RRP1: variants seen among roughly 807,000 people sequenced by gnomAD.
RRP1 encodes ribosomal RNA processing protein 1 homolog A.
A neutral mutation model predicts 54.6 loss-of-function variants in RRP1; 37 were observed. That is an observed-to-expected ratio of 0.68 (90% confidence interval 0.52 to 0.89). The LOEUF (loss-of-function observed/expected upper bound fraction) is 0.89, where lower values mean the gene tolerates loss of function less well. RRP1 is among the 40% of genes least tolerant of loss of function. The probability of loss-of-function intolerance (pLI) is 0.00; values close to 1 mark genes in which losing one functional copy is unlikely to be tolerated. For missense variants in RRP1, 639 were observed against 612.5 expected (o/e 1.04, Z -0.46); for synonymous variants, 262 against 244.3 (o/e 1.07, Z -0.67).
At chr21:43,802,491 C>T (rs765363390) in intron 12 of RRP1, 104 bp downstream of exon 12, 6 of 881,916 alleles carry the variant, frequency 6.8e-6, no homozygotes, top group East Asian at 2.5e-5. Flanking sequence ...GCATGAGTGC[C>T]GAGTCCCCCA....
chr21:43,795,381 A>C (rs1569014455), intron 5 of RRP1, 131 bp downstream of exon 5: 1 of 840,692 alleles, frequency 1.2e-6, no homozygotes, highest in South Asian at 1.5e-5. Context: ...GTGCTTAGAG[A>C]GAAGATAGTT....
chr21:43,790,506 AG>A (rs1298491192), intron 1 of RRP1: 1 of 156,974 alleles, frequency 6.4e-6, no homozygotes, highest in East Asian at 1.9e-4. Flanking sequence ...ACTCAGCCTG[AG>A]AACCACTGCT....
intron 6 of RRP1, 25 bp downstream of exon 6, chr21:43,797,576 G>A (rs929888343): frequency 1.2e-5 from 19 of 1,613,814 alleles, no homozygotes; most frequent in Non-Finnish European, 1.6e-5. Flanking sequence ...CGACGGGGCG[G>A]TGGAGCTGGG....
intron 5 of RRP1, 112 bp from the exon 6 acceptor site, chr21:43,797,310 G>A (rs2085029226): frequency 6.1e-6 from 9 of 1,479,812 alleles, no homozygotes; most frequent in Non-Finnish European, 8.0e-6. Context: ...AGACAGTGGC[G>A]CCTGCCCGCA....
intron 1 of RRP1, 139 bp downstream of exon 1, chr21:43,789,901 G>A: frequency 9.3e-7 from 1 of 1,079,898 alleles, no homozygotes; most frequent in Non-Finnish European, 1.2e-6. Context: ...GGGTCCACTG[G>A]CCTGTTCCCG....
chr21:43,795,400 A>G, intron 5 of RRP1, 150 bp downstream of exon 5: 1 of 761,466 alleles, frequency 1.3e-6, no homozygotes, highest in Non-Finnish European at 2.2e-6. Context: ...TTTTTAAAGT[A>G]AAAATCAGTT....
intron 5 of RRP1, among the ~76,000 whole-genome samples, chr21:43,795,835 T>TC (rs1204793639): frequency 6.6e-6 from 1 of 152,132 alleles, no homozygotes; most frequent in Non-Finnish European, 1.5e-5. Flanking sequence ...TGTTAATTGC[T>TC]CCTAATTCTA....
chr21:43,795,539 C>T (rs907535951), intron 5 of RRP1, among the ~76,000 whole-genome samples: 12 of 152,084 alleles, frequency 7.9e-5, no homozygotes, highest in African/African-American at 1.7e-4. Context: ...CGGCATGTTC[C>T]GCTTCATTAG....
chr21:43,791,524 C>A (rs76649170), intron 2 of RRP1, 92 bp downstream of exon 2: 2 of 1,167,768 alleles, frequency 1.7e-6, no homozygotes, highest in Admixed American at 2.0e-5. Context: ...TTTTTTAAGT[C>A]GGAGTTTCGC....
Position 43,798,025 on chromosome 21 carries a change from G to T in RRP1, c.736G>T (p.Asp246Tyr). 6.2e-7 allele frequency: 1 copy of T among 1,614,176 alleles called. No individual in the cohort carries two copies. The change falls in exon 8 of 13, where the codon GAC becomes TAC. Residue 246 changes from aspartate to tyrosine, a missense_variant. Coordinates refer to ENST00000497547, the MANE Select transcript of RRP1 (RefSeq NM_003683.6). ...CACACAGGATGAGGAGGTGGCGTCGGACAGTGATGAGTCCTCTGAGGGTGG... is the reference window on the plus strand; with the variant it reads ...CACACAGGATGAGGAGGTGGCGTCGTACAGTGATGAGTCCTCTGAGGGTGG... ...LDTQDEEVASDSDESSEGGER... is the reference protein window; with the variant it reads ...LDTQDEEVASYSDESSEGGER...
At chr21:43,802,449 G>C (rs1196280078) in intron 12 of RRP1, 62 bp downstream of exon 12, 2 of 1,348,726 alleles carry the variant, frequency 1.5e-6, no homozygotes, top group African/African-American at 2.9e-5. Flanking sequence ...TTCTCCCCTG[G>C]ATGGGGGTCA....
intron 11 of RRP1, among the ~76,000 whole-genome samples, chr21:43,801,871 G>A (rs1051217577): frequency 3.3e-5 from 5 of 152,202 alleles, no homozygotes; most frequent in Non-Finnish European, 7.3e-5. Flanking sequence ...CAAGTCCAAA[G>A]CTGAGTGCTG....
At chr21:43,793,165 G>C in intron 3 of RRP1, 154 bp from the exon 4 acceptor site, 2 of 681,580 alleles carry the variant, frequency 2.9e-6, no homozygotes, top group South Asian at 3.6e-5. Context: ...TCCAGATCCT[G>C]GTCCAGCAAG....
intron 9 of RRP1, among the ~76,000 whole-genome samples, chr21:43,800,165 TG>T (rs1290266799): frequency 6.8e-6 from 1 of 147,126 alleles, no homozygotes; most frequent in South Asian, 2.3e-4. Flanking sequence ...GGGTTAAAAT[TG>T]ATCAATTTAA....
chr21:43,789,816 G>T lies in RRP1; in HGVS notation c.133+54G>T, dbSNP rs1005178057. The T allele has an allele frequency of 7.6e-6, 11 of 1,443,836 alleles. No homozygotes were observed. In the African/African-American group the frequency reaches 1.2e-4, roughly 16 times the overall value. The allele number at this position is 1,443,836 out of a possible 1,614,324, so 89.4% of individuals were successfully genotyped here. Reference sequence around the variant, plus strand: ...TCGGGGGCCGGCTGGGCTGGTGCGGGTGTGGGCGGCGGCGGCCGGAGCTGG... The same window carrying T: ...TCGGGGGCCGGCTGGGCTGGTGCGGTTGTGGGCGGCGGCGGCCGGAGCTGG... On this transcript the variant is annotated intron_variant, in intron 1 of 12. Transcript: ENST00000497547.
At chr21:43,796,494 G>A (rs1046552063) in intron 5 of RRP1, among the ~76,000 whole-genome samples, 3 of 152,110 alleles carry the variant, frequency 2.0e-5, no homozygotes, top group Non-Finnish European at 2.9e-5. Flanking sequence ...TGCCTGCTGC[G>A]GTCCCAGTGC....
Position 43,789,763 on chromosome 21 carries a change from G to T in RRP1, c.133+1G>T. ...GTCGCCAGGACTCAGCGGGCCGCAG[G>T]TTGGCGGGGGTGTGGGCGGCTGGCG... On this transcript the variant is annotated splice_donor_variant, in intron 1 of 12. Coordinates refer to ENST00000497547, the MANE Select transcript of RRP1 (RefSeq NM_003683.6). LOFTEE classifies it high-confidence loss of function. 1 of 1,516,156 alleles carries T rather than the reference G, an allele frequency of 6.6e-7. No homozygotes were observed. Among genetic ancestry groups the T allele is most frequent in the Non-Finnish European group, 8.8e-7 (1 of 1,130,380 alleles). 93.9% of individuals were successfully genotyped at this position (1,516,156 alleles called of 1,614,324 possible).
chr21:43,802,113 G>A, intron 11 of RRP1, 161 bp from the exon 12 acceptor site: 1 of 595,924 alleles, frequency 1.7e-6, no homozygotes, highest in Non-Finnish European at 3.0e-6. Flanking sequence ...CGTTTCAGCT[G>A]TGGCGGGTAC....
At chr21:43,802,592 C>T (rs886762942) in intron 12 of RRP1, 1 of 555,050 alleles carries the variant, frequency 1.8e-6, no homozygotes, top group East Asian at 3.2e-5. Context: ...ACCCACCTTC[C>T]TTGTCTGCAG....
Sources: allele counts gnomAD v4.1 joint callset (sites outside exome capture counted in the v4.1 genomes callset), GRCh38; gene constraint gnomAD v4.1.1; transcripts MANE v1.5; gene names NCBI Gene and HGNC (gene_info 2026-07-23, HGNC 2026-07-21).